The following ZNF804B variants were observed in gnomAD, a reference collection of about 807,000 sequenced individuals.
ZNF804B encodes zinc finger 804B.
Under a neutral mutation model 101.4 loss-of-function variants are expected in ZNF804B, and 80 were observed. That is an observed-to-expected ratio of 0.79 (90% CI 0.66 to 0.95). The LOEUF is 0.95. Among genes scored for constraint, ZNF804B ranks in the 40% least tolerant of loss-of-function variants. ZNF804B has a pLI of 0.00. For missense variants in ZNF804B, 1,673 were observed against 1,561.9 expected (o/e 1.07, Z -1.20); for synonymous variants, 622 against 558.8 (o/e 1.11, Z -1.59).
At chr7:89,120,105 C>A (rs1178246898) in intron 1 of ZNF804B, among the ~76,000 whole-genome samples, 1 of 152,080 alleles carries the variant, frequency 6.6e-6, no homozygotes, top group African/African-American at 2.4e-5. Flanking sequence ...ACCTTTATCA[C>A]CTTTATCTAT....
intron 1 of ZNF804B, among the ~76,000 whole-genome samples, chr7:89,195,356 A>G (rs1788529808): frequency 6.9e-6 from 1 of 144,772 alleles, no homozygotes; most frequent in Non-Finnish European, 1.5e-5. Context: ...AGGCAGGAGA[A>G]GGAAATAAAG....
chr7:89,249,271 G>T (rs1230593934), intron 2 of ZNF804B, among the ~76,000 whole-genome samples: 2 of 151,996 alleles, frequency 1.3e-5, no homozygotes, highest in Admixed American at 6.6e-5. Context: ...TTAACAATTG[G>T]CCAGTTGGAC....
chr7:89,146,215 G>C (rs984397898), intron 1 of ZNF804B, among the ~76,000 whole-genome samples: 2 of 151,976 alleles, frequency 1.3e-5, no homozygotes, highest in African/African-American at 4.8e-5. Context: ...ACATTTATAA[G>C]TAATGAGAGA....
At position 89,016,989 on chromosome 7, in the gene ZNF804B, G is replaced by A. The variant is rs369688847; in HGVS notation, c.109-201166G>A. 7.9e-5 allele frequency among the ~76,000 whole-genome samples: 12 copies of A among 152,232 alleles called. No homozygotes were observed. In the South Asian group the frequency reaches 8.3e-4, roughly 11 times the overall value. The stretch of plus-strand genomic sequence containing the variant: ...ATGAGCATGGAATGTTCTTTCATTT[G>A]TTTGTGTCCTCTTTTATTTCATTGA... On this transcript the variant is annotated intron_variant, in intron 1 of 3. Coordinates refer to ENST00000333190, the MANE Select transcript of ZNF804B (RefSeq NM_181646.5).
chr7:88,976,657 A>G (rs1672108062), intron 1 of ZNF804B, among the ~76,000 whole-genome samples: 1 of 151,710 alleles, frequency 6.6e-6, no homozygotes, highest in Non-Finnish European at 1.5e-5. Context: ...TTCCAAATAT[A>G]TGATTATGTC....
chr7:88,905,895 CT>C (rs58138257), intron 1 of ZNF804B, among the ~76,000 whole-genome samples: 21,857 of 81,530 alleles, frequency 0.27, 1,909 homozygotes, highest in East Asian at 0.47. Flanking sequence ...TGGGTTGAGG[CT>C]TTTTTTTTTT....
At chr7:88,825,677 A>G (rs774049807) in intron 1 of ZNF804B, among the ~76,000 whole-genome samples, 2 of 152,268 alleles carry the variant, frequency 1.3e-5, no homozygotes, top group East Asian at 1.9e-4. Context: ...CTCACTTTTT[A>G]TAAAAGAGAT....
intron 1 of ZNF804B, among the ~76,000 whole-genome samples, chr7:89,215,918 A>AATAC (rs1562918644): frequency 1.3e-5 from 2 of 150,746 alleles, no homozygotes; most frequent in African/African-American, 4.9e-5. Flanking sequence ...TAAATAAATA[A>AATAC]ATAAATAAAT....
At chr7:88,922,914 T>A (rs996984976) in intron 1 of ZNF804B, among the ~76,000 whole-genome samples, 4 of 151,894 alleles carry the variant, frequency 2.6e-5, no homozygotes, top group Non-Finnish European at 5.9e-5. Context: ...ATTGGAAAAA[T>A]ATATTTGAGT....
intron 1 of ZNF804B, among the ~76,000 whole-genome samples, chr7:88,985,466 C>T (rs922460845): frequency 1.3e-5 from 2 of 151,954 alleles, no homozygotes; most frequent in African/African-American, 4.8e-5. Flanking sequence ...GTTTGAGATG[C>T]AAGGTCAGAG....
At chr7:88,895,038 T>G (rs1278110385) in intron 1 of ZNF804B, among the ~76,000 whole-genome samples, 1 of 152,182 alleles carries the variant, frequency 6.6e-6, no homozygotes. Context: ...TGACAAAAAC[T>G]ATTAAAATGT....
intron 3 of ZNF804B, among the ~76,000 whole-genome samples, chr7:89,327,979 A>G (rs1790922226): frequency 6.6e-6 from 1 of 152,012 alleles, no homozygotes; most frequent in East Asian, 1.9e-4. Flanking sequence ...AACAAGTTTT[A>G]TACTAATACA....
intron 1 of ZNF804B, among the ~76,000 whole-genome samples, chr7:89,102,620 C>G (rs927027710): frequency 1.3e-5 from 2 of 151,834 alleles, no homozygotes; most frequent in Non-Finnish European, 2.9e-5. Flanking sequence ...ACAGGTTCTC[C>G]CATTCTGTAG....
chr7:88,885,037 C>G (rs1792103434), intron 1 of ZNF804B, among the ~76,000 whole-genome samples: 1 of 151,872 alleles, frequency 6.6e-6, no homozygotes, highest in Non-Finnish European at 1.5e-5. Flanking sequence ...TGCCATCAAC[C>G]AATGCAAAAG....
intron 2 of ZNF804B, among the ~76,000 whole-genome samples, chr7:89,236,550 A>T (rs911502020): frequency 1.3e-5 from 2 of 152,144 alleles, no homozygotes; most frequent in Non-Finnish European, 2.9e-5. Flanking sequence ...TGCACATGTG[A>T]CATTCACCTG....
chr7:89,147,064 CA>C (rs1459430078), intron 1 of ZNF804B, among the ~76,000 whole-genome samples: 1 of 137,430 alleles, frequency 7.3e-6, no homozygotes, highest in African/African-American at 2.8e-5. Flanking sequence ...GACCTTGTAT[CA>C]AAAAATAGGA....
chr7:89,024,252 G>C (rs1788711542), intron 1 of ZNF804B, among the ~76,000 whole-genome samples: 1 of 152,096 alleles, frequency 6.6e-6, no homozygotes, highest in African/African-American at 2.4e-5. Flanking sequence ...TGCAATATTA[G>C]ATAGCTATTA....
chr7:89,140,944 T>G (rs554041181), intron 1 of ZNF804B, among the ~76,000 whole-genome samples: 1 of 150,734 alleles, frequency 6.6e-6, no homozygotes, highest in African/African-American at 2.4e-5. Flanking sequence ...ATTTCTAGCT[T>G]TTGATTAAAA....
At chr7:88,862,564 G>C (rs537926857) in intron 1 of ZNF804B, among the ~76,000 whole-genome samples, 1 of 152,044 alleles carries the variant, frequency 6.6e-6, no homozygotes, top group Admixed American at 6.6e-5. Context: ...TTTATTCCAC[G>C]GGTCCTAAAG....
Sources: gnomAD v4.1 joint callset for allele counts (sites outside exome capture counted in the v4.1 genomes callset) on GRCh38, gnomAD v4.1.1 for gene constraint, MANE v1.5 for transcripts, NCBI Gene and HGNC (gene_info 2026-07-23, HGNC 2026-07-21) for gene names.